WFDC6: variants seen among roughly 807,000 people sequenced by gnomAD.
WFDC6 encodes WAP four-disulfide core domain protein 6.
Under a neutral mutation model 8.2 loss-of-function variants are expected in WFDC6, and 10 were observed. The ratio of observed to expected loss-of-function variants is 1.22; its 90% CI spans 0.75 to 2.07. The LOEUF (loss-of-function observed/expected upper bound fraction) is 2.07, where lower values mean the gene tolerates loss of function less well. Ranked by LOEUF, WFDC6 falls within the 30% of genes most tolerant of loss-of-function variation. The pLI is 0.00. For synonymous variants in WFDC6, 28 were observed against 37.0 expected, an observed-to-expected ratio of 0.76 and a Z score of 0.88; for missense variants, 105 against 104.9, an observed-to-expected ratio of 1.00 and a Z score of 0.00.
intron 2 of WFDC6, chr20:45,536,920 G>A (rs531670386): frequency 1.3e-4 from 20 of 153,734 alleles, no homozygotes; most frequent in African/African-American, 4.3e-4. Context: ...CCTATAGAGA[G>A]CTGCAATCCA....
At position 45,534,395 on chromosome 20, in the gene WFDC6, G is replaced by A. The variant is rs575039483; in HGVS notation, c.*72C>T. 1.2e-4 allele frequency: 195 copies of A among 1,591,898 alleles called. 1 individual carries two copies. Among genetic ancestry groups the A allele is most frequent in the South Asian group, 1.2e-3 (108 of 90,618 alleles). ...TTCTGGAACAGCCAAGGTTTGGCCCGTGGAAGCCAATTTGGAGCATCAATC... is the reference window on the plus strand; with the variant it reads ...TTCTGGAACAGCCAAGGTTTGGCCCATGGAAGCCAATTTGGAGCATCAATC... On this transcript the variant is annotated 3_prime_UTR_variant, in exon 3 of 3. Coordinates refer to ENST00000372670, the MANE Select transcript of WFDC6 (RefSeq NM_080827.2).
At chr20:45,537,822 T>A (rs529234027) in intron 2 of WFDC6, 142 bp downstream of exon 2, 1 of 1,473,068 alleles carries the variant, frequency 6.8e-7, no homozygotes, top group African/African-American at 1.4e-5. Flanking sequence ...AGTCCAGGAC[T>A]GGCAGATTTG....
chr20:45,538,148 C>T, intron 1 of WFDC6, 54 bp from the exon 2 acceptor site: 2 of 1,611,512 alleles, frequency 1.2e-6, no homozygotes, highest in South Asian at 1.1e-5. Flanking sequence ...CAGTGCTCCC[C>T]CTCCCCGAGA....
rs1245667868 is a variant in WFDC6, at chr20:45,539,471, A to G, written c.-64T>C. On this transcript the variant is annotated 5_prime_UTR_variant, in exon 1 of 3. It removes an upstream start codon present in the reference 5' UTR. Coordinates refer to ENST00000372670, the MANE Select transcript of WFDC6 (RefSeq NM_080827.2). ...AGAACTGCTCCTCAGCAGCTCCTAC[A>G]TCTGCACTTTGCCTGCCCCGGTGTG... 13 of 1,489,058 alleles carry G rather than the reference A, an allele frequency of 8.7e-6. No individual in the cohort carries two copies. The highest frequency in any genetic ancestry group is 4.1e-5 in the African/African-American group (3 of 72,418). The allele number at this position is 1,489,058 out of a possible 1,614,324, so 92.2% of individuals were successfully genotyped here.
At chr20:45,535,916 A>C (rs1226562986) in intron 2 of WFDC6, among the ~76,000 whole-genome samples, 1 of 152,226 alleles carries the variant, frequency 6.6e-6, no homozygotes, top group Admixed American at 6.5e-5. Flanking sequence ...TGCTCTAAAA[A>C]TAGCACTTTC....
At chr20:45,535,934 C>T (rs1419591668) in intron 2 of WFDC6, among the ~76,000 whole-genome samples, 1 of 152,214 alleles carries the variant, frequency 6.6e-6, no homozygotes, top group Non-Finnish European at 1.5e-5. Context: ...TTCTTACACA[C>T]CCCGTGCCTT....
intron 2 of WFDC6, chr20:45,537,312 A>C (rs1979403707): frequency 1.7e-6 from 1 of 587,272 alleles, no homozygotes. Flanking sequence ...CTCATCTTTC[A>C]GATCTTAAAT....
chr20:45,537,651 T>C (rs912793334), intron 2 of WFDC6: 2 of 1,300,996 alleles, frequency 1.5e-6, no homozygotes, highest in Non-Finnish European at 2.2e-6. Flanking sequence ...TGGTGACTAC[T>C]TGGCATCTCG....
intron 2 of WFDC6, 92 bp downstream of exon 2, chr20:45,537,872 C>T: frequency 1.9e-6 from 3 of 1,593,406 alleles, no homozygotes; most frequent in Middle Eastern, 1.7e-4. Context: ...GGTCAGAGAC[C>T]AGCCATCAGT....
At chr20:45,535,563 G>A (rs570932004) in intron 2 of WFDC6, among the ~76,000 whole-genome samples, 61 of 152,334 alleles carry the variant, frequency 4.0e-4, no homozygotes, top group East Asian at 7.7e-4. Flanking sequence ...TAACAGGGCT[G>A]TTGGAAGGAG....
intron 1 of WFDC6, 126 bp from the exon 2 acceptor site, chr20:45,538,220 T>C (rs1235909283): frequency 6.6e-7 from 1 of 1,523,194 alleles, no homozygotes; most frequent in Admixed American, 2.0e-5. Flanking sequence ...CAGAAGGTAG[T>C]GGCCCTCAGG....
Position 45,539,446 on chromosome 20 carries a change from AGAACT to A in WFDC6, c.-44_-40del, listed in dbSNP as rs770437288. ...GGCCTGGTTGATGGCACCAAAACTA[AGAACT>A]GCTCCTCAGCAGCTCCTACATCTGC... is the stretch of plus-strand genomic sequence containing the variant. On this transcript the variant is annotated 5_prime_UTR_variant, in exon 1 of 3. Transcript: ENST00000372670. 103 of 1,587,390 alleles carry A rather than the reference AGAACT, an allele frequency of 6.5e-5. 1 individual carries two copies. In the African/African-American group the frequency reaches 1.2e-3, roughly 19 times the overall value.
Position 45,539,397 on chromosome 20 carries a change from G to T in WFDC6, c.11C>A (p.Ser4Ter), listed in dbSNP as rs553341164. Residue 4 changes from serine to a stop codon, truncating the protein, a stop_gained, in exon 1 of 3, where the codon TCA (serine) becomes TAA (stop). Coordinates refer to ENST00000372670, the MANE Select transcript of WFDC6 (RefSeq NM_080827.2). LOFTEE classifies it high-confidence loss of function. The stretch of plus-strand genomic sequence containing the variant: ...TGGTACCAGGATTGGCAGAAGTCCT[G>T]AGAGTCCCATTTTAGGAAGTACTGG... MGL[S>*]GLLPILVPFI... is the part of the protein sequence containing the mutation. The T allele has an allele frequency of 4.3e-6, 7 of 1,613,680 alleles. No homozygotes were observed. The highest frequency in any genetic ancestry group is 5.9e-6 in the Non-Finnish European group (7 of 1,179,798).
chr20:45,537,512 G>A (rs756851041), intron 2 of WFDC6: 28 of 1,548,418 alleles, frequency 1.8e-5, no homozygotes, highest in Non-Finnish European at 2.2e-5. Context: ...GTCTAAGGTG[G>A]TCAGGGAAGG....
rs116840941 is a variant in WFDC6, at chr20:45,536,796, T to C, written c.222+1168A>G. ...CAAAGAAATTCTTTCAATTCCAAAA[T>C]CACTTTGTACTCTGAAAGATACCAG... On this transcript the variant is annotated intron_variant, in intron 2 of 2. Coordinates refer to ENST00000372670, the MANE Select transcript of WFDC6 (RefSeq NM_080827.2). 837 of 153,170 alleles carry C rather than the reference T, an allele frequency of 5.5e-3. 5 individuals are homozygous for C. Among genetic ancestry groups the C allele is most frequent in the Non-Finnish European group, 7.9e-3 (539 of 68,486 alleles). 9.5% of individuals were successfully genotyped at this position (153,170 alleles called of 1,614,324 possible).
intron 1 of WFDC6, 121 bp from the exon 2 acceptor site, chr20:45,538,215 G>A: frequency 5.9e-6 from 9 of 1,537,950 alleles, no homozygotes; most frequent in Non-Finnish European, 7.0e-6. Flanking sequence ...ATCCCCAGAA[G>A]GTAGTGGCCC....
intron 2 of WFDC6, among the ~76,000 whole-genome samples, chr20:45,536,273 T>A (rs895109079): frequency 4.7e-5 from 7 of 150,180 alleles, no homozygotes; most frequent in African/African-American, 1.7e-4. Context: ...AACCCAAAAC[T>A]CAAATCTACC....
In WFDC6 at chr20:45,535,277, G is replaced by T. The variant is rs80040895; in HGVS notation, c.223-772C>A. The stretch of plus-strand genomic sequence containing the variant: ...CTTAGTTTTTTTTATTGTACCACCA[G>T]TGTGGTATGGAGGCCAGGCAGGGGC... On this transcript the variant is annotated intron_variant, in intron 2 of 2. Coordinates refer to ENST00000372670, the MANE Select transcript of WFDC6 (RefSeq NM_080827.2). 9.6e-4 allele frequency: 1,253 copies of T among 1,304,212 alleles called. 29 individuals are homozygous for T. The East Asian group carries it at 0.058, about 60-fold the overall frequency. 80.8% of individuals were successfully genotyped at this position (1,304,212 alleles called of 1,614,324 possible).
chr20:45,534,488 G>C lies in WFDC6; in HGVS notation c.240C>G (p.Tyr80Ter). 6.2e-7 allele frequency: 1 copy of C among 1,614,000 alleles called. No individual in the cohort carries two copies. ...GAGGTTATTCAAGCTCCTCCTTATG[G>C]TATAAAGTAAGGCTGACCTGTGAAG... ...LDFRKVSLTL[Y>*]HKEELE Residue 80 changes from tyrosine (Y) to a stop codon, truncating the protein, a stop_gained, in exon 3 of 3, where the codon TAC (tyrosine) becomes TAG (stop). Transcript: ENST00000372670. LOFTEE classifies it low-confidence loss of function (END_TRUNC).
Sources: allele counts gnomAD v4.1 joint callset (sites outside exome capture counted in the v4.1 genomes callset), GRCh38; gene constraint gnomAD v4.1.1; transcripts MANE v1.5; gene names NCBI Gene and HGNC (gene_info 2026-07-23, HGNC 2026-07-21).